Variants in ADGRL3 observed in about 807,000 individuals in gnomAD.
The protein encoded by ADGRL3 is adhesion G protein-coupled receptor L3.
ADGRL3 carries 62 observed loss-of-function variants against 153.5 expected under a neutral mutation model. The observed-to-expected ratio is 0.40, with a 90% CI of 0.33 to 0.50. ADGRL3 has a LOEUF of 0.50. Ranked by LOEUF, ADGRL3 falls within the 20% of genes least tolerant of loss-of-function variation. The pLI is 0.47. For synonymous variants in ADGRL3, 710 were observed against 672.5 expected (o/e 1.06, Z -0.86); for missense variants, 1,641 against 1,859.4 (o/e 0.88, Z 2.16).
In ADGRL3 at chr4:61,520,652, C is replaced by CTG. The variant is rs545112505; in HGVS notation, c.259+3166_259+3167dup. On this transcript the variant is annotated intron_variant, in intron 4 of 26. Coordinates refer to ENST00000683033, the MANE Select transcript of ADGRL3 (RefSeq NM_001387552.1). Reference sequence around the variant, plus strand: ...TAGATGAGGAGGCTTCTATAAACCTCTGTGTGTGTGTGTGTGTGTGTGTGT... The same window carrying CTG: ...TAGATGAGGAGGCTTCTATAAACCTCTGTGTGTGTGTGTGTGTGTGTGTGTGT... 8.4e-3 allele frequency among the ~76,000 whole-genome samples: 991 copies of CTG among 118,556 alleles called. 15 individuals carry two copies. The highest frequency in any genetic ancestry group is 0.012 in the Non-Finnish European group (649 of 56,292). The allele number at this position is 118,556 out of a possible 152,430, so 77.8% of individuals were successfully genotyped here.
chr4:61,542,246 T>C (rs1473036631), intron 4 of ADGRL3, among the ~76,000 whole-genome samples: 1 of 152,182 alleles, frequency 6.6e-6, no homozygotes, highest in Admixed American at 6.5e-5. Flanking sequence ...GTTAATGGGC[T>C]GAGACCAATT....
At chr4:62,012,750 A>T (rs985635941) in intron 21 of ADGRL3, among the ~76,000 whole-genome samples, 1 of 152,168 alleles carries the variant, frequency 6.6e-6, no homozygotes, top group African/African-American at 2.4e-5. Flanking sequence ...TGTGTTTAAC[A>T]CCTATGATTA....
At chr4:61,901,378 A>G (rs1011354806) in intron 11 of ADGRL3, among the ~76,000 whole-genome samples, 19 of 152,192 alleles carry the variant, frequency 1.2e-4, no homozygotes, top group African/African-American at 3.9e-4. Context: ...ACGTTTGACA[A>G]CGAGTCAGTT....
intron 1 of ADGRL3, among the ~76,000 whole-genome samples, chr4:61,367,015 C>G (rs952047231): frequency 6.6e-6 from 1 of 152,060 alleles, no homozygotes; most frequent in Non-Finnish European, 1.5e-5. Context: ...TGATTGTAAA[C>G]AATGTTCTTT....
chr4:61,369,025 C>CT (rs995908432), intron 1 of ADGRL3, among the ~76,000 whole-genome samples: 1 of 152,104 alleles, frequency 6.6e-6, no homozygotes, highest in African/African-American at 2.4e-5. Flanking sequence ...ATTTGGCTCT[C>CT]TGTTTGTCTG....
chr4:62,010,022 G>A (rs1202812345), intron 21 of ADGRL3, among the ~76,000 whole-genome samples: 3 of 152,122 alleles, frequency 2.0e-5, no homozygotes, highest in African/African-American at 7.2e-5. Flanking sequence ...GAGAAGGCAT[G>A]GTTTTCATGC....
At chr4:61,593,352 T>C (rs2098976959) in intron 5 of ADGRL3, among the ~76,000 whole-genome samples, 1 of 152,126 alleles carries the variant, frequency 6.6e-6, no homozygotes, top group Non-Finnish European at 1.5e-5. Flanking sequence ...GGGAGGTTTT[T>C]TTTGTTGTTG....
chr4:62,066,927 C>A lies in ADGRL3; in HGVS notation c.3815-1239C>A, dbSNP rs911871513. On this transcript the variant is annotated intron_variant, in intron 25 of 26. Coordinates refer to ENST00000683033, the MANE Select transcript of ADGRL3 (RefSeq NM_001387552.1). ...TAGATAAAGGCTCAGCCCCTCTGGG[C>A]TGCAGTCTCCTCTTCTCTGAAAAGT... Among the ~76,000 whole-genome samples the A allele has an allele frequency of 2.0e-5, 3 of 152,056 alleles. No individual in the cohort carries two copies. In the South Asian group the frequency reaches 6.2e-4, roughly 31 times the overall value.
intron 3 of ADGRL3, among the ~76,000 whole-genome samples, chr4:61,501,841 A>T (rs747150693): frequency 1.1e-4 from 17 of 152,162 alleles, no homozygotes; most frequent in Non-Finnish European, 2.4e-4. Context: ...AATATGTACA[A>T]TTTTTTAAAT....
chr4:61,320,503 G>T (rs1200512402), intron 1 of ADGRL3, among the ~76,000 whole-genome samples: 1 of 152,162 alleles, frequency 6.6e-6, no homozygotes. Context: ...AAGAGTTGTT[G>T]TTTGCAGTCT....
intron 1 of ADGRL3, among the ~76,000 whole-genome samples, chr4:61,360,743 T>C (rs2096270135): frequency 6.6e-6 from 1 of 152,206 alleles, no homozygotes; most frequent in Admixed American, 6.5e-5. Context: ...ACATTTATTA[T>C]CTATTTGTCA....
intron 6 of ADGRL3, chr4:61,677,158 T>C (rs2095222272): frequency 2.0e-6 from 1 of 490,844 alleles, no homozygotes; most frequent in Non-Finnish European, 3.7e-6. Context: ...TGTATATGAA[T>C]ACGTGTTCTA....
At chr4:61,957,976 G>A (rs960650767) in intron 17 of ADGRL3, among the ~76,000 whole-genome samples, 1 of 152,052 alleles carries the variant, frequency 6.6e-6, no homozygotes, top group African/African-American at 2.4e-5. Context: ...TTTCTAATCT[G>A]TGTATTCAGA....
At chr4:61,336,295 G>C (rs1365841769) in intron 1 of ADGRL3, among the ~76,000 whole-genome samples, 1 of 152,080 alleles carries the variant, frequency 6.6e-6, no homozygotes, top group Non-Finnish European at 1.5e-5. Flanking sequence ...AAATGGATTG[G>C]GGTGGCTGTT....
chr4:61,806,699 A>C (rs2097556472), intron 8 of ADGRL3, among the ~76,000 whole-genome samples: 1 of 152,092 alleles, frequency 6.6e-6, no homozygotes, highest in Non-Finnish European at 1.5e-5. Flanking sequence ...AGGTGAATTG[A>C]TTTGTAAGTA....
intron 17 of ADGRL3, among the ~76,000 whole-genome samples, chr4:61,966,574 GT>G (rs2099007624): frequency 1.7e-5 from 1 of 58,438 alleles, no homozygotes; most frequent in African/African-American, 9.4e-5. Flanking sequence ...TTCAAAAGGG[GT>G]GTGTGTGTGT....
At chr4:61,556,145 G>A (rs538952783) in intron 4 of ADGRL3, among the ~76,000 whole-genome samples, 9 of 152,244 alleles carry the variant, frequency 5.9e-5, no homozygotes, top group South Asian at 4.1e-4. Context: ...ATAGAAGTAT[G>A]AAAATATTGT....
chr4:61,233,068 A>G (rs1047121360), intron 1 of ADGRL3, among the ~76,000 whole-genome samples: 1 of 152,238 alleles, frequency 6.6e-6, no homozygotes, highest in African/African-American at 2.4e-5. Context: ...TACTTATATT[A>G]CAATTACTAC....
At chr4:61,744,274 T>A (rs2096623388) in intron 8 of ADGRL3, among the ~76,000 whole-genome samples, 1 of 152,182 alleles carries the variant, frequency 6.6e-6, no homozygotes, top group South Asian at 2.1e-4. Flanking sequence ...AGACTCCACC[T>A]CTGGGGGCAG....
Sources: gnomAD v4.1 joint callset for allele counts (sites outside exome capture counted in the v4.1 genomes callset) on GRCh38, gnomAD v4.1.1 for gene constraint, MANE v1.5 for transcripts, NCBI Gene and HGNC (gene_info 2026-07-23, HGNC 2026-07-21) for gene names.